ASB3: variants seen among roughly 807,000 people sequenced by gnomAD.
ASB3 encodes the protein ankyrin repeat and SOCS box protein 3.
Under a neutral mutation model 54.5 loss-of-function variants are expected in ASB3, and 41 were observed. The ratio of observed to expected loss-of-function variants is 0.75; its 90% confidence interval spans 0.59 to 0.98. The LOEUF (loss-of-function observed/expected upper bound fraction) is 0.98, where lower values mean the gene tolerates loss of function less well. Among genes scored for constraint, ASB3 ranks in the 50% least tolerant of loss-of-function variants. The probability of loss-of-function intolerance (pLI) is 0.00; values close to 1 mark genes in which losing one functional copy is unlikely to be tolerated. For synonymous variants in ASB3, 266 were observed against 221.2 expected (o/e 1.20, Z -1.80); for missense variants, 733 against 620.0 (o/e 1.18, Z -1.94).
At chr2:53,722,509 AG>A (rs1670766288) in intron 5 of ASB3, among the ~76,000 whole-genome samples, 1 of 152,212 alleles carries the variant, frequency 6.6e-6, no homozygotes, top group South Asian at 2.1e-4. Context: ...TTGAGAAACA[AG>A]GTTGGTTCCA....
chr2:53,718,710 T>C (rs1670531094), intron 5 of ASB3, among the ~76,000 whole-genome samples: 3 of 151,734 alleles, frequency 2.0e-5, no homozygotes, highest in Admixed American at 2.0e-4. Flanking sequence ...CATACAAATC[T>C]TTCGCCTTTT....
chr2:53,784,854 T>C (rs1398765526), intron 1 of ASB3, among the ~76,000 whole-genome samples: 1 of 152,212 alleles, frequency 6.6e-6, no homozygotes, highest in Non-Finnish European at 1.5e-5. Context: ...ACATGTCTTT[T>C]TGGGGAACAC....
At chr2:53,782,645 T>G (rs1674713118) in intron 1 of ASB3, among the ~76,000 whole-genome samples, 1 of 152,212 alleles carries the variant, frequency 6.6e-6, no homozygotes, top group Non-Finnish European at 1.5e-5. Flanking sequence ...TTGAGCATCT[T>G]CATGTTCCAT....
rs543043608 is a variant in ASB3, at chr2:53,778,719, T to C, written c.-14+8102A>G. Among the ~76,000 whole-genome samples, 7 of 152,336 alleles carry C rather than the reference T, an allele frequency of 4.6e-5. No homozygotes were observed. In the South Asian group the frequency reaches 1.5e-3, roughly 32 times the overall value. On this transcript the variant is annotated intron_variant, in intron 1 of 9. Transcript: ENST00000263634. ...TGTCGTCACAAATGACAAAGTTTCT[T>C]TCATTTTTAAGGCTGAATAGTATTC...
chr2:53,757,686 A>G (rs2111622), intron 2 of ASB3, among the ~76,000 whole-genome samples: 54,089 of 152,082 alleles, frequency 0.36, 11,095 homozygotes, highest in East Asian at 0.62. Context: ...TACCTAGGCT[A>G]TGAACCCAGG....
chr2:53,743,122 A>G (rs1672024072), intron 3 of ASB3, among the ~76,000 whole-genome samples: 1 of 151,882 alleles, frequency 6.6e-6, no homozygotes, highest in South Asian at 2.1e-4. Flanking sequence ...CTGCTGTTCA[A>G]GTTTGAATCA....
intron 2 of ASB3, among the ~76,000 whole-genome samples, chr2:53,757,368 C>G (rs1460707410): frequency 6.6e-6 from 1 of 152,318 alleles, no homozygotes; most frequent in African/African-American, 2.4e-5. Context: ...GGCCGAGGGC[C>G]GACTAGAGGC....
chr2:53,761,072 A>C (rs1403497486), intron 2 of ASB3, among the ~76,000 whole-genome samples: 1 of 152,106 alleles, frequency 6.6e-6, no homozygotes, highest in Non-Finnish European at 1.5e-5. Flanking sequence ...CCCCAACAGC[A>C]CTTGGGTTTT....
At chr2:53,710,275 T>C (rs551329110) in intron 7 of ASB3, among the ~76,000 whole-genome samples, 1 of 152,236 alleles carries the variant, frequency 6.6e-6, no homozygotes, top group Non-Finnish European at 1.5e-5. Flanking sequence ...ATTTACTCTT[T>C]CCTATATCTT....
At chr2:53,695,327 A>T (rs1186896552) in intron 8 of ASB3, among the ~76,000 whole-genome samples, 1 of 152,182 alleles carries the variant, frequency 6.6e-6, no homozygotes, top group Non-Finnish European at 1.5e-5. Context: ...GGCAGCACAG[A>T]TGTCTTGGGA....
chr2:53,724,418 GA>G (rs1448964385), intron 5 of ASB3, among the ~76,000 whole-genome samples: 10 of 151,880 alleles, frequency 6.6e-5, no homozygotes, highest in Admixed American at 1.3e-4. Flanking sequence ...CTAACACGGT[GA>G]AAACCCCATC....
intron 9 of ASB3, among the ~76,000 whole-genome samples, chr2:53,693,224 C>T (rs886450205): frequency 1.3e-5 from 2 of 152,144 alleles, no homozygotes; most frequent in African/African-American, 4.8e-5. Flanking sequence ...GGATACTTTG[C>T]ATATGTTATG....
At chr2:53,756,151 G>C (rs1672812026) in intron 2 of ASB3, among the ~76,000 whole-genome samples, 1 of 151,978 alleles carries the variant, frequency 6.6e-6, no homozygotes, top group Non-Finnish European at 1.5e-5. Context: ...GAGCAACAGA[G>C]TAAGACCCCA....
intron 3 of ASB3, 72 bp from the exon 4 acceptor site, chr2:53,729,642 G>T: frequency 7.6e-7 from 1 of 1,318,404 alleles, no homozygotes. Context: ...CTTTGGTGAT[G>T]TTCTCATCAC....
At chr2:53,714,705 A>G in intron 6 of ASB3, 124 bp from the exon 7 acceptor site, 1 of 940,122 alleles carries the variant, frequency 1.1e-6, no homozygotes, top group Non-Finnish European at 1.6e-6. Context: ...ATTTCTGTCT[A>G]GGGTGTACCT....
rs1317407024 is a variant in ASB3, at chr2:53,670,621, C to T, written c.1439G>A (p.Arg480Gln). The T allele has an allele frequency of 6.2e-6, 10 of 1,613,852 alleles. No homozygotes were observed. Among genetic ancestry groups the T allele is most frequent in the Middle Eastern group, 3.3e-4 (2 of 6,062 alleles). ...IRSSLKSERL[R>Q]SDSYISQLPL... Reference sequence around the variant, plus strand: ...CAGCTGACTAATATAACTGTCAGACCGTAGACGTTCTGATTTTAGACTGGA... The same window carrying T: ...CAGCTGACTAATATAACTGTCAGACTGTAGACGTTCTGATTTTAGACTGGA... Residue 480 changes from arginine (R) to glutamine (Q), a missense_variant, in exon 10 of 10, where the codon CGG (arginine) becomes CAG (glutamine). Arg to Gln is a conservative substitution (Grantham distance 43, BLOSUM62 1). Coordinates refer to ENST00000263634, the MANE Select transcript of ASB3 (RefSeq NM_016115.5).
At chr2:53,782,306 C>T (rs1230997940) in intron 1 of ASB3, among the ~76,000 whole-genome samples, 1 of 152,168 alleles carries the variant, frequency 6.6e-6, no homozygotes, top group Non-Finnish European at 1.5e-5. Flanking sequence ...GAAGAGAAAG[C>T]AGGTAGGATT....
chr2:53,694,653 C>T (rs1298585122), intron 8 of ASB3: 1 of 152,104 alleles, frequency 6.6e-6, no homozygotes, highest in East Asian at 1.9e-4. Flanking sequence ...AAGAGGCTAA[C>T]CCAAAATTTA....
At chr2:53,729,148 C>G (rs916609438) in intron 4 of ASB3, among the ~76,000 whole-genome samples, 6 of 152,130 alleles carry the variant, frequency 3.9e-5, no homozygotes, top group Non-Finnish European at 8.8e-5. Flanking sequence ...ATCACAATTT[C>G]TAAGCACATT....
Sources: gnomAD v4.1 joint callset for allele counts (sites outside exome capture counted in the v4.1 genomes callset) on GRCh38, gnomAD v4.1.1 for gene constraint, MANE v1.5 for transcripts, NCBI Gene and HGNC (gene_info 2026-07-23, HGNC 2026-07-21) for gene names.